ZNF500: variants seen among roughly 807,000 people sequenced by gnomAD.
ZNF500 encodes the protein zinc finger protein 500.
A neutral mutation model predicts 30.1 loss-of-function variants in ZNF500; 31 were observed. The observed-to-expected ratio is 1.03, with a 90% CI of 0.77 to 1.39. ZNF500 has a LOEUF of 1.39. Ranked by LOEUF, ZNF500 falls within the 40% of genes most tolerant of loss-of-function variation. The pLI, the probability that ZNF500 is intolerant of heterozygous loss-of-function variation, is 0.00. For synonymous variants in ZNF500, 392 were observed against 282.0 expected, an observed-to-expected ratio of 1.39 and a Z score of -3.91; for missense variants, 817 against 657.8, an observed-to-expected ratio of 1.24 and a Z score of -2.65.
chr16:4,752,507 T>C lies in ZNF500; in HGVS notation c.1312A>G (p.Thr438Ala), dbSNP rs1029558286. The C allele has an allele frequency of 1.9e-6, 3 of 1,555,174 alleles. No individual in the cohort carries two copies. The highest frequency in any genetic ancestry group is 2.7e-5 in the African/African-American group (2 of 73,480). Reference protein sequence around the residue: ...RRTHTGEKPYTCPACGRGFRR... With the variant: ...RRTHTGEKPYACPACGRGFRR... The stretch of plus-strand genomic sequence containing the variant: ...AAGCCCCGGCCACAGGCCGGGCAGG[T>C]GTAGGGCTTCTCACCTGTGTGCGTC... The change falls in exon 6 of 6, where the codon ACC becomes GCC. Residue 438 changes from threonine to alanine, a missense_variant. Physicochemically the swap from Thr to Ala is moderately conservative, Grantham distance 58 (BLOSUM62 0). Transcript: ENST00000219478.
At chr16:4,746,230 G>C (rs1425100149), downstream of ZNF500, 1 of 880,734 alleles carries the variant, frequency 1.1e-6, no homozygotes, top group Non-Finnish European at 1.7e-6. Flanking sequence ...AAGAGTAAAA[G>C]AGCAAATGTG....
downstream of ZNF500, chr16:4,746,177 G>A: frequency 1.8e-6 from 1 of 541,172 alleles, no homozygotes; most frequent in Non-Finnish European, 3.2e-6. Flanking sequence ...CATGAGGGAC[G>A]TTCTGTTGGC....
At position 4,762,351 on chromosome 16, in the gene ZNF500, G is replaced by C; in HGVS notation, c.599-16C>G. On this transcript the variant is annotated splice_polypyrimidine_tract_variant and intron_variant, in intron 3 of 5. Transcript: ENST00000219478. The stretch of plus-strand genomic sequence containing the variant: ...GCTGGAGGGCCTGGGAAGGAGCAGA[G>C]TCACCACCAGTCACACAGCTCACCC... 1.3e-6 allele frequency: 2 copies of C among 1,595,146 alleles called. No individual in the cohort carries two copies. Among genetic ancestry groups the C allele is most frequent in the Non-Finnish European group, 1.7e-6 (2 of 1,171,134 alleles).
At position 4,752,574 on chromosome 16, in the gene ZNF500, C is replaced by T. The variant is rs1381541670; in HGVS notation, c.1245G>A (p.Gly415=). ...GERPYACTQC[G]KRFNNSSHFS... Reference sequence around the variant, plus strand: ...AGTGCGAGCTGTTGTTGAAGCGCTTCCCGCACTGGGTGCAGGCATAGGGCC... The same window carrying T: ...AGTGCGAGCTGTTGTTGAAGCGCTTTCCGCACTGGGTGCAGGCATAGGGCC... The change falls in exon 6 of 6, where the codon GGG becomes GGA. Residue 415 remains glycine, a synonymous_variant. Coordinates refer to ENST00000219478, the MANE Select transcript of ZNF500 (RefSeq NM_021646.4). The T allele has an allele frequency of 2.5e-6, 4 of 1,580,420 alleles. No individual in the cohort carries two copies. Among genetic ancestry groups the T allele is most frequent in the African/African-American group, 1.3e-5 (1 of 74,082 alleles).
At chr16:4,754,518 G>C (rs566577162) in intron 5 of ZNF500, among the ~76,000 whole-genome samples, 1 of 152,058 alleles carries the variant, frequency 6.6e-6, no homozygotes, top group East Asian at 1.9e-4. Flanking sequence ...AAAAAAATTA[G>C]TTGGGGGTAG....
chr16:4,744,905 G>C (rs765863181), downstream of ZNF500: 6 of 1,613,744 alleles, frequency 3.7e-6, no homozygotes, highest in Non-Finnish European at 5.1e-6. Flanking sequence ...CAGGCTCATG[G>C]AACAGCTGGC....
chr16:4,761,887 AAAC>A (rs1567534464), intron 4 of ZNF500, among the ~76,000 whole-genome samples: 218 of 151,478 alleles, frequency 1.4e-3, no homozygotes, highest in African/African-American at 4.9e-3. Flanking sequence ...AAACAAACAA[AAAC>A]CCCAAAAAAA....
Position 4,750,372 on chromosome 16 carries a change from A to AG in ZNF500, c.*2003dup, listed in dbSNP as rs2082065880. 6.6e-6 allele frequency: 1 copy of AG among 152,368 alleles called. No individual in the cohort carries two copies. Among genetic ancestry groups the AG allele is most frequent in the South Asian group, 2.1e-4 (1 of 4,840 alleles). The allele number at this position is 152,368 out of a possible 1,614,324, so 9.4% of individuals were successfully genotyped here. On this transcript the variant is annotated 3_prime_UTR_variant, in exon 6 of 6. Transcript: ENST00000219478. Reference sequence around the variant, plus strand: ...GAGACAGGATCTCACTCTGTCTTCCAGGATGAGTGCAGTGGCACAATCACA... The same window carrying AG: ...GAGACAGGATCTCACTCTGTCTTCCAGGGATGAGTGCAGTGGCACAATCACA...
At position 4,752,114 on chromosome 16, in the gene ZNF500, T is replaced by C; in HGVS notation, c.*262A>G. The C allele has an allele frequency of 7.5e-7, 1 of 1,338,948 alleles. No individual in the cohort carries two copies. The highest frequency in any genetic ancestry group is 9.5e-7 in the Non-Finnish European group (1 of 1,050,350). The allele number at this position is 1,338,948 out of a possible 1,614,324, so 82.9% of individuals were successfully genotyped here. On this transcript the variant is annotated 3_prime_UTR_variant, in exon 6 of 6. Coordinates refer to ENST00000219478, the MANE Select transcript of ZNF500 (RefSeq NM_021646.4). The stretch of plus-strand genomic sequence containing the variant: ...GTGTCGGCTTCTGGCCTCCTGAGTG[T>C]GTCTCTGTGGCTGAAGCCCCTGCTC...
At chr16:4,746,915 C>G, downstream of ZNF500, 9 of 1,541,760 alleles carry the variant, frequency 5.8e-6, no homozygotes, top group Non-Finnish European at 7.9e-6. Flanking sequence ...AAACCCATTT[C>G]TCTCCCTGCA....
At chr16:4,746,967 G>A (rs2082025108), downstream of ZNF500, 6 of 1,554,956 alleles carry the variant, frequency 3.9e-6, no homozygotes, top group East Asian at 1.2e-4. Flanking sequence ...GGAGGAGGAG[G>A]AAGAGATGGC....
chr16:4,753,172 T>G (rs1396813977), intron 5 of ZNF500, 114 bp from the exon 6 acceptor site: 85 of 1,433,816 alleles, frequency 5.9e-5, no homozygotes, highest in Non-Finnish European at 7.1e-5. Flanking sequence ...ACAAAACATT[T>G]AGCAGGGGCT....
intron 5 of ZNF500, among the ~76,000 whole-genome samples, chr16:4,759,508 C>T (rs2082174379): frequency 6.6e-6 from 1 of 152,160 alleles, no homozygotes. Context: ...GAAAAAAATT[C>T]TGGAGGTTTC....
At chr16:4,758,712 T>C (rs528712218) in intron 5 of ZNF500, 4 of 152,288 alleles carry the variant, frequency 2.6e-5, no homozygotes, top group Non-Finnish European at 4.4e-5. Context: ...GGGGACAAGA[T>C]TGCCCCAGGT....
intron 3 of ZNF500, 60 bp from the exon 4 acceptor site, chr16:4,762,395 C>T (rs2082215016): frequency 6.5e-7 from 1 of 1,546,230 alleles, no homozygotes; most frequent in African/African-American, 1.4e-5. Context: ...CCCTGCCGTC[C>T]CCTGCACACC....
chr16:4,762,229 G>A (rs770596932), intron 4 of ZNF500, 42 bp downstream of exon 4: 3 of 1,599,156 alleles, frequency 1.9e-6, no homozygotes, highest in East Asian at 2.3e-5. Flanking sequence ...AGGAGGTCGG[G>A]CCAGACCCCA....
chr16:4,746,054 G>A (rs904554083), downstream of ZNF500: 4 of 241,216 alleles, frequency 1.7e-5, no homozygotes, highest in African/African-American at 6.7e-5. Context: ...CTAACGTGGT[G>A]AATGTGACTG....
Position 4,752,778 on chromosome 16 carries a change from G to C in ZNF500, c.1041C>G (p.His347Gln). ...TSHLTKHQRTHTGERPYKCLV... is the reference protein window; with the variant it reads ...TSHLTKHQRTQTGERPYKCLV... ...GGCACTTGTAAGGCCGCTCGCCCGT[G>C]TGTGTGCGCTGGTGCTTGGTCAAGT... is the stretch of plus-strand genomic sequence containing the variant. Residue 347 changes from histidine (H) to glutamine (Q), a missense_variant, in exon 6 of 6, where the codon CAC becomes CAG. By Grantham distance (24) the His-to-Gln change is conservative. Transcript: ENST00000219478. 2 of 1,614,256 alleles carry C rather than the reference G, an allele frequency of 1.2e-6. No individual in the cohort carries two copies. Among genetic ancestry groups the C allele is most frequent in the Non-Finnish European group, 1.7e-6 (2 of 1,180,044 alleles).
Position 4,762,457 on chromosome 16 carries a change from G to A in ZNF500, c.598+116C>T, listed in dbSNP as rs920727743. The A allele has an allele frequency of 3.2e-5, 49 of 1,510,240 alleles. No homozygotes were observed. In the African/African-American group the frequency reaches 5.5e-4, roughly 17 times the overall value. 93.6% of individuals were successfully genotyped at this position (1,510,240 alleles called of 1,614,324 possible). A position where few individuals can be genotyped will look rare whatever the true frequency, so the allele number is the denominator to read the frequency against. ...CACCCAAGATCCACTCCTTGCTGGA[G>A]AGCCTGTGCACCCTGCATCCAGGCA... On this transcript the variant is annotated intron_variant, in intron 3 of 5. Transcript: ENST00000219478.
Sources: gnomAD v4.1 joint callset for allele counts (sites outside exome capture counted in the v4.1 genomes callset) on GRCh38, gnomAD v4.1.1 for gene constraint, MANE v1.5 for transcripts, NCBI Gene and HGNC (gene_info 2026-07-23, HGNC 2026-07-21) for gene names.